Variants in LGSN observed in about 807,000 individuals in gnomAD.
LGSN encodes lengsin, lens protein with glutamine synthetase domain.
Under a neutral mutation model 19.5 loss-of-function variants are expected in LGSN, and 21 were observed. That is an observed-to-expected ratio of 1.07 (90% CI 0.76 to 1.55). The LOEUF (loss-of-function observed/expected upper bound fraction) is 1.55. Among genes scored for constraint, LGSN ranks in the 40% most tolerant of loss-of-function variants. The pLI is 0.00. For missense variants in LGSN, 673 were observed against 608.5 expected (o/e 1.11, Z -1.12); for synonymous variants, 257 against 215.6 (o/e 1.19, Z -1.68).
intron 1 of LGSN, among the ~76,000 whole-genome samples, chr6:63,303,943 T>C (rs1768278359): frequency 6.6e-6 from 1 of 152,196 alleles, no homozygotes; most frequent in Admixed American, 6.5e-5. Flanking sequence ...TAGAAAGCTT[T>C]CCCAAGATCA....
At chr6:63,522,230 A>C in the LGSN span, among the ~76,000 whole-genome samples, 2 of 152,216 alleles carry the variant, frequency 1.3e-5, no homozygotes, top group African/African-American at 4.8e-5. Context: ...AAGGGCTACA[A>C]TATATGGCAA....
At chr6:63,365,435 G>A in the LGSN span, among the ~76,000 whole-genome samples, 2 of 150,832 alleles carry the variant, frequency 1.3e-5, no homozygotes, top group Non-Finnish European at 2.9e-5. Context: ...TGAAATTGAG[G>A]CAGTAATTAA....
the LGSN span, among the ~76,000 whole-genome samples, chr6:63,487,567 T>C: frequency 6.6e-6 from 1 of 152,228 alleles, no homozygotes; most frequent in African/African-American, 2.4e-5. Context: ...CTCAAACTTG[T>C]CTTCTTGCAT....
At chr6:63,458,300 CAG>C in the LGSN span, among the ~76,000 whole-genome samples, 1 of 152,162 alleles carries the variant, frequency 6.6e-6, no homozygotes, top group African/African-American at 2.4e-5. Context: ...TTCCCGACCT[CAG>C]GTGATCCACC....
chr6:63,424,835 G>A, the LGSN span, among the ~76,000 whole-genome samples: 1 of 151,978 alleles, frequency 6.6e-6, no homozygotes, highest in African/African-American at 2.4e-5. Context: ...TCTCTTGAGT[G>A]CAGGAGTTCA....
the LGSN span, among the ~76,000 whole-genome samples, chr6:63,358,122 C>T: frequency 2.4e-3 from 372 of 152,094 alleles, 2 homozygotes; most frequent in African/African-American, 8.0e-3. Context: ...TTGTCAGGTT[C>T]GTCAAAGATC....
the LGSN span, among the ~76,000 whole-genome samples, chr6:63,560,183 C>T: frequency 6.6e-6 from 1 of 151,598 alleles, no homozygotes; most frequent in African/African-American, 2.4e-5. Context: ...ACTAAAAATA[C>T]AAAAATTAGC....
rs370494070 is a variant in LGSN, at chr6:63,316,277, A to T, written c.30+3637T>A. On this transcript the variant is annotated intron_variant, in intron 1 of 3. Coordinates refer to ENST00000370657, the MANE Select transcript of LGSN (RefSeq NM_016571.3). ...GAGCTCTGTGTGAAAGAAGTATCAG[A>T]ATGTAAATGATATAGCTGCTCCCAT... Among the ~76,000 whole-genome samples the T allele has an allele frequency of 2.0e-5, 3 of 152,192 alleles. No individual in the cohort carries two copies. The East Asian group carries it at 5.8e-4, about 29-fold the overall frequency.
chr6:63,513,497 A>G, the LGSN span, among the ~76,000 whole-genome samples: 3 of 152,274 alleles, frequency 2.0e-5, no homozygotes, highest in East Asian at 5.8e-4. Flanking sequence ...CCTGGAATTA[A>G]TTCTCTGGCC....
the LGSN span, among the ~76,000 whole-genome samples, chr6:63,391,202 T>C: frequency 6.6e-6 from 1 of 152,248 alleles, no homozygotes; most frequent in Non-Finnish European, 1.5e-5. Flanking sequence ...TTGCAATGTA[T>C]AAATGTCCTT....
At chr6:63,531,594 A>G in the LGSN span, among the ~76,000 whole-genome samples, 1 of 149,950 alleles carries the variant, frequency 6.7e-6, no homozygotes, top group Admixed American at 6.7e-5. Context: ...GACTCAGGCA[A>G]TCTTCCTCTC....
chr6:63,421,879 A>C, the LGSN span, among the ~76,000 whole-genome samples: 4 of 152,196 alleles, frequency 2.6e-5, no homozygotes, highest in African/African-American at 9.6e-5. Context: ...AAGAAAAAAG[A>C]GGGCATGAAT....
At chr6:63,532,645 C>T in the LGSN span, among the ~76,000 whole-genome samples, 34 of 152,158 alleles carry the variant, frequency 2.2e-4, no homozygotes, top group Middle Eastern at 6.8e-3. Context: ...AGCTTTCAAC[C>T]GAAGAGCAAG....
At chr6:63,387,641 G>C in the LGSN span, among the ~76,000 whole-genome samples, 1 of 151,918 alleles carries the variant, frequency 6.6e-6, no homozygotes, top group Non-Finnish European at 1.5e-5. Context: ...CTGAATTTTA[G>C]AGGAATCCAT....
At chr6:63,363,414 G>A in the LGSN span, among the ~76,000 whole-genome samples, 1 of 152,158 alleles carries the variant, frequency 6.6e-6, no homozygotes, top group Non-Finnish European at 1.5e-5. Flanking sequence ...GCTAAAGGAG[G>A]ATGTTCCAAC....
At chr6:63,281,259 A>G in intron 3 of LGSN, 39 bp from the exon 4 acceptor site, 6 of 1,407,608 alleles carry the variant, frequency 4.3e-6, no homozygotes, top group Non-Finnish European at 5.6e-6. Context: ...GGTTTTGAAA[A>G]CAAACAAAAG....
the LGSN span, among the ~76,000 whole-genome samples, chr6:63,523,723 T>C: frequency 6.6e-6 from 1 of 151,996 alleles, no homozygotes. Context: ...ATTATAAGAC[T>C]TTTTTTGCGA....
At chr6:63,410,044 T>A in the LGSN span, among the ~76,000 whole-genome samples, 1 of 151,876 alleles carries the variant, frequency 6.6e-6, no homozygotes, top group African/African-American at 2.4e-5. Context: ...CTCAAAAAAA[T>A]TAAAATAAAA....
chr6:63,460,561 CATTTGCCCATGCTGAATATT>C, the LGSN span, among the ~76,000 whole-genome samples: 2 of 152,180 alleles, frequency 1.3e-5, no homozygotes, highest in Admixed American at 6.5e-5. Context: ...CTGACCACTG[CATTTGCCCATGCTGAATATT>C]ATTTGCCACT....
Sources: allele counts gnomAD v4.1 joint callset (sites outside exome capture counted in the v4.1 genomes callset), GRCh38; gene constraint gnomAD v4.1.1; transcripts MANE v1.5; gene names NCBI Gene and HGNC (gene_info 2026-07-23, HGNC 2026-07-21).